The following CSNK1G3 variants were observed in gnomAD, a reference collection of about 807,000 sequenced individuals.
CSNK1G3 encodes casein kinase 1 gamma 3, also known as casein kinase I isoform gamma-3.
CSNK1G3 carries 23 observed loss-of-function variants against 64.3 expected under a neutral mutation model. The observed-to-expected ratio is 0.36, with a 90% CI of 0.26 to 0.51. The LOEUF is 0.51. Ranked by LOEUF, CSNK1G3 falls within the 20% of genes least tolerant of loss-of-function variation. The pLI is 0.96. For missense variants in CSNK1G3, 357 were observed against 510.5 expected (o/e 0.70, Z 2.90); for synonymous variants, 158 against 162.2 (o/e 0.97, Z 0.20).
intron 6 of CSNK1G3, among the ~76,000 whole-genome samples, chr5:123,577,289 A>G (rs1429855378): frequency 1.3e-5 from 2 of 151,958 alleles, no homozygotes; most frequent in Non-Finnish European, 2.9e-5. Flanking sequence ...TGGCCACTGG[A>G]TATGCTCATT....
intron 4 of CSNK1G3, among the ~76,000 whole-genome samples, chr5:123,566,613 C>A (rs889184095): frequency 6.6e-6 from 1 of 152,034 alleles, no homozygotes; most frequent in Admixed American, 6.6e-5. Context: ...TTAGGATATA[C>A]CCTGCCTCAA....
chr5:123,574,253 G>A (rs764139366), intron 5 of CSNK1G3, among the ~76,000 whole-genome samples: 9 of 152,134 alleles, frequency 5.9e-5, no homozygotes, highest in Non-Finnish European at 7.4e-5. Flanking sequence ...CAGGGAATCC[G>A]TTGGATAACA....
intron 3 of CSNK1G3, among the ~76,000 whole-genome samples, chr5:123,555,335 C>A (rs1231846575): frequency 6.6e-6 from 1 of 152,110 alleles, no homozygotes; most frequent in Non-Finnish European, 1.5e-5. Context: ...AATGATAGTT[C>A]ATGATTTCCT....
chr5:123,515,706 T>G (rs892332715), intron 1 of CSNK1G3, among the ~76,000 whole-genome samples: 2 of 151,484 alleles, frequency 1.3e-5, no homozygotes, highest in Admixed American at 1.3e-4. Context: ...TTGTTTGAAG[T>G]TTTTTTTTCT....
At chr5:123,593,522 G>T (rs185210510) in intron 10 of CSNK1G3, among the ~76,000 whole-genome samples, 2 of 151,916 alleles carry the variant, frequency 1.3e-5, no homozygotes, top group Non-Finnish European at 2.9e-5. Context: ...AGGAGAGGGC[G>T]TGTAGCTCTT....
intron 3 of CSNK1G3, among the ~76,000 whole-genome samples, chr5:123,555,290 T>C (rs534038019): frequency 2.3e-4 from 35 of 152,316 alleles, no homozygotes; most frequent in Non-Finnish European, 4.9e-4. Context: ...ATCCAAAATA[T>C]CGGAAGGACA....
intron 11 of CSNK1G3, among the ~76,000 whole-genome samples, 181 bp downstream of exon 12, chr5:123,605,011 A>T (rs1795105278): frequency 6.6e-6 from 1 of 152,168 alleles, no homozygotes; most frequent in Non-Finnish European, 1.5e-5. Context: ...TATTCCAGTA[A>T]ACATTTTAAT....
intron 10 of CSNK1G3, among the ~76,000 whole-genome samples, chr5:123,592,444 A>G (rs913035761): frequency 1.3e-5 from 2 of 151,858 alleles, no homozygotes; most frequent in Admixed American, 1.3e-4. Context: ...GCAATGTTTT[A>G]ATTTTTCTCT....
intron 10 of CSNK1G3, among the ~76,000 whole-genome samples, chr5:123,592,371 A>G (rs1248262751): frequency 6.6e-6 from 1 of 151,992 alleles, no homozygotes; most frequent in East Asian, 1.9e-4. Context: ...ATAGAAGTTG[A>G]TCAAGTAGCG....
chr5:123,602,067 A>G (rs1794598003), intron 10 of CSNK1G3, among the ~76,000 whole-genome samples: 1 of 152,206 alleles, frequency 6.6e-6, no homozygotes, highest in Admixed American at 6.5e-5. Flanking sequence ...AAATAAAGAG[A>G]AAAAATTTAC....
intron 1 of CSNK1G3, among the ~76,000 whole-genome samples, chr5:123,515,821 A>G (rs1777057430): frequency 6.6e-6 from 1 of 152,196 alleles, no homozygotes; most frequent in South Asian, 2.1e-4. Flanking sequence ...AGTAACAACA[A>G]TACCTCCTAT....
At chr5:123,549,675 A>T (rs538148667) in intron 2 of CSNK1G3, among the ~76,000 whole-genome samples, 1 of 152,184 alleles carries the variant, frequency 6.6e-6, no homozygotes, top group East Asian at 1.9e-4. Flanking sequence ...TTTTTCTGCC[A>T]CCTAACCAAA....
intron 6 of CSNK1G3, among the ~76,000 whole-genome samples, chr5:123,579,380 C>T (rs191801052): frequency 6.6e-6 from 1 of 150,610 alleles, no homozygotes; most frequent in Admixed American, 6.6e-5. Flanking sequence ...CAGGGAGTAG[C>T]TTTCAATAGC....
At chr5:123,574,000 C>T (rs1273057082) in intron 5 of CSNK1G3, among the ~76,000 whole-genome samples, 1 of 152,020 alleles carries the variant, frequency 6.6e-6, no homozygotes, top group Non-Finnish European at 1.5e-5. Flanking sequence ...CAGGTGCATG[C>T]CACTACGCCC....
intron 1 of CSNK1G3, among the ~76,000 whole-genome samples, chr5:123,514,026 C>G (rs1400781670): frequency 6.6e-6 from 1 of 151,994 alleles, no homozygotes; most frequent in Non-Finnish European, 1.5e-5. Context: ...TAAAAATTAC[C>G]TTTATGGACA....
At position 123,534,265 on chromosome 5, in the gene CSNK1G3, T is replaced by G. The variant is rs1032281397; in HGVS notation, c.-247-11152T>G. Among the ~76,000 whole-genome samples the G allele has an allele frequency of 2.0e-5, 3 of 152,108 alleles. No homozygotes were observed. The East Asian group carries it at 5.8e-4, about 29-fold the overall frequency. ...ATTATTAAAATGAGCTTAGACAGAT[T>G]AAGTGTCTTGCTCAATGCTGTACAA... is the stretch of plus-strand genomic sequence containing the variant. On this transcript the variant is annotated intron_variant, in intron 1 of 12. Coordinates refer to ENST00000345990, the Ensembl canonical transcript of CSNK1G3.
intron 1 of CSNK1G3, among the ~76,000 whole-genome samples, chr5:123,542,378 C>T (rs1425345708): frequency 1.3e-5 from 2 of 152,032 alleles, no homozygotes; most frequent in Non-Finnish European, 2.9e-5. Context: ...ATTGTTTATG[C>T]TTTAATAGTA....
chr5:123,610,473 C>G (rs1051641184), intron 12 of CSNK1G3, among the ~76,000 whole-genome samples: 1 of 152,048 alleles, frequency 6.6e-6, no homozygotes, highest in Non-Finnish European at 1.5e-5. Flanking sequence ...GATAGGGAAA[C>G]ATGCTTCAGT....
At chr5:123,562,360 A>T (rs1057311380) in intron 4 of CSNK1G3, among the ~76,000 whole-genome samples, 3 of 152,052 alleles carry the variant, frequency 2.0e-5, no homozygotes, top group Non-Finnish European at 4.4e-5. Context: ...CTGAATTTTG[A>T]ACTCTTTGAG....
Sources: gnomAD v4.1 joint callset for allele counts (sites outside exome capture counted in the v4.1 genomes callset) on GRCh38, gnomAD v4.1.1 for gene constraint, MANE v1.5 for transcripts, NCBI Gene and HGNC (gene_info 2026-07-23, HGNC 2026-07-21) for gene names.